The following NFIX variants were observed in gnomAD, a reference collection of about 807,000 sequenced individuals.
NFIX encodes the protein nuclear factor I X, also known as nuclear factor 1 X-type.
NFIX carries 2 observed loss-of-function variants against 53.3 expected under a neutral mutation model. The ratio of observed to expected loss-of-function variants is 0.04; its 90% CI spans 0.02 to 0.12. The LOEUF (loss-of-function observed/expected upper bound fraction) is 0.12. Ranked by LOEUF, NFIX falls within the 10% of genes least tolerant of loss-of-function variation. NFIX has a pLI of 1.00. For synonymous variants in NFIX, 244 were observed against 289.0 expected (o/e 0.84, Z 1.58); for missense variants, 310 against 674.5 (o/e 0.46, Z 5.99).
chr19:13,093,697 CAG>C lies in NFIX; in HGVS notation c.1495-935_1495-934del, dbSNP rs1181226555. ...TTGGCTCCGCCTGGCCCCTGCAGACCAGAGTCTGTGACAGCCTGGGAGAGGTC... is the reference window on the plus strand; with the variant it reads ...TTGGCTCCGCCTGGCCCCTGCAGACCAGTCTGTGACAGCCTGGGAGAGGTC... On this transcript the variant is annotated intron_variant, in intron 10 of 10. Transcript: ENST00000592199. This position sits in a 1 kb window ranked among gnomAD's most constrained non-coding sequence, Gnocchi z 4.7. 3.3e-5 allele frequency among the ~76,000 whole-genome samples: 5 copies of C among 152,226 alleles called. No homozygotes were observed. The East Asian group carries it at 5.8e-4, about 18-fold the overall frequency.
chr19:13,077,965 G>C (rs2017209996), intron 6 of NFIX, among the ~76,000 whole-genome samples: 1 of 152,178 alleles, frequency 6.6e-6, no homozygotes, highest in Non-Finnish European at 1.5e-5. Flanking sequence ...TGAGCTTCTG[G>C]GTCCCCTGGC....
chr19:13,025,153 C>T lies in NFIX; in HGVS notation c.160C>T (p.Arg54Trp). 3 of 1,614,198 alleles carry T rather than the reference C, an allele frequency of 1.9e-6. No homozygotes were observed. The highest frequency in any genetic ancestry group is 2.5e-6 in the Non-Finnish European group (3 of 1,180,038). The change falls in exon 2 of 11, where the codon CGG (arginine) becomes TGG (tryptophan). Residue 54 changes from arginine (R) to tryptophan (W), a missense_variant. This residue lies in a region of NFIX where 64 missense variants were observed against 144.5 expected (regional missense o/e 0.44). Coordinates refer to ENST00000592199, the MANE Select transcript of NFIX (RefSeq NM_001365902.3). This position sits in a 1 kb window ranked among gnomAD's most constrained non-coding sequence, Gnocchi z 7.5. ...AAAGCGGATGTCGAAGGACGAGGAG[C>T]GGGCGGTGAAGGACGAGCTGCTGGG... ...HEKRMSKDEE[R>W]AVKDELLGEK...
chr19:13,076,982 C>T (rs556855895), intron 6 of NFIX, among the ~76,000 whole-genome samples: 1 of 152,124 alleles, frequency 6.6e-6, no homozygotes, highest in Non-Finnish European at 1.5e-5. Context: ...TCGTGGCAGG[C>T]AGGGACTTGG....
At position 13,072,489 on chromosome 19, in the gene NFIX, TG is replaced by T. The variant is rs753074037; in HGVS notation, c.560-556del. ...TGGGGGAGGCGCAGGCAGACAGGAA[TG>T]GCTTCAATTAACCAAGTTAGGGAAG... On this transcript the variant is annotated intron_variant, in intron 2 of 10. Transcript: ENST00000592199. This position sits in a 1 kb window ranked among gnomAD's most constrained non-coding sequence, Gnocchi z 4.0. 1.1e-4 allele frequency among the ~76,000 whole-genome samples: 17 copies of T among 152,152 alleles called. No homozygotes were observed. The highest frequency in any genetic ancestry group is 2.5e-4 in the Non-Finnish European group (17 of 68,028).
chr19:13,020,914 C>G (rs1416456947), intron 1 of NFIX, among the ~76,000 whole-genome samples: 1 of 152,106 alleles, frequency 6.6e-6, no homozygotes, highest in African/African-American at 2.4e-5. Flanking sequence ...CCACCAGATT[C>G]AGATTCAACC....
At chr19:13,057,946 G>C (rs576458345) in intron 2 of NFIX, among the ~76,000 whole-genome samples, 44 of 151,972 alleles carry the variant, frequency 2.9e-4, no homozygotes, top group Non-Finnish European at 5.7e-4. Flanking sequence ...CATCTTTTTG[G>C]CTCTGCTCCC....
In NFIX at chr19:13,002,723, G is replaced by A. The variant is rs1300536026; in HGVS notation, c.27+6859G>A. Among the ~76,000 whole-genome samples, 1 of 152,164 alleles carries A rather than the reference G, an allele frequency of 6.6e-6. No homozygotes were observed. The highest frequency in any genetic ancestry group is 1.5e-5 in the Non-Finnish European group (1 of 68,004). Reference sequence around the variant, plus strand: ...CAGCCAGGGAGGGGAGGCGGGTAGCGGGCACTGCGGCGCTCTGCAGCCAAT... The same window carrying A: ...CAGCCAGGGAGGGGAGGCGGGTAGCAGGCACTGCGGCGCTCTGCAGCCAAT... On this transcript the variant is annotated intron_variant, in intron 1 of 10. Coordinates refer to ENST00000592199, the MANE Select transcript of NFIX (RefSeq NM_001365902.3). The surrounding 1 kb of genome is among the most constrained non-coding windows in gnomAD (Gnocchi z 6.1).
chr19:13,026,624 C>T (rs1054570505), intron 2 of NFIX, among the ~76,000 whole-genome samples: 4 of 152,070 alleles, frequency 2.6e-5, no homozygotes, highest in African/African-American at 2.4e-5. Context: ...AATTTACTGC[C>T]GCCTTTGAAA....
At chr19:13,033,166 G>A (rs1038212308) in intron 2 of NFIX, among the ~76,000 whole-genome samples, 1 of 152,148 alleles carries the variant, frequency 6.6e-6, no homozygotes, top group Non-Finnish European at 1.5e-5. Context: ...CACGACAAAC[G>A]CCCGGCCCTG....
rs896717257 is a variant in NFIX, at chr19:13,078,750, G to T, written c.1078+15G>T. The T allele has an allele frequency of 6.3e-7, 1 of 1,594,052 alleles. No individual in the cohort carries two copies. The highest frequency in any genetic ancestry group is 8.5e-7 in the Non-Finnish European group (1 of 1,170,094). On this transcript the variant is annotated intron_variant, in intron 7 of 10. Transcript: ENST00000592199. This position sits in a 1 kb window ranked among gnomAD's most constrained non-coding sequence, Gnocchi z 4.7. ...AGTCAGACCAGGTGAGAAATGGGGG[G>T]CCCCGGAGGGGGGCAGTTGGGGAGG...
At position 13,096,961 on chromosome 19, in the gene NFIX, A is replaced by C. The variant is rs1272296947; in HGVS notation, c.*2312A>C. On this transcript the variant is annotated 3_prime_UTR_variant, in exon 11 of 11. Transcript: ENST00000592199. ...GACGTGTTAGGAGAGAAAAAAAAAA[A>C]AACAAAAATATATATGGGGGAAATT... 2.7e-5 allele frequency: 4 copies of C among 150,888 alleles called. No homozygotes were observed. Among genetic ancestry groups the C allele is most frequent in the Non-Finnish European group, 5.9e-5 (4 of 67,726 alleles). 9.3% of individuals were successfully genotyped at this position (150,888 alleles called of 1,614,324 possible). A position where few individuals can be genotyped will look rare whatever the true frequency, so the allele number is the denominator to read the frequency against.
chr19:13,094,574 G>T lies in NFIX; in HGVS notation c.1495-61G>T. ...AGGGGCCAGGTCACTGGGCCAGGTA[G>T]GAGTGAGATGGGACCTGCCCCAGCT... On this transcript the variant is annotated intron_variant, in intron 10 of 10. Transcript: ENST00000592199. The surrounding 1 kb of genome is among the most constrained non-coding windows in gnomAD (Gnocchi z 4.3). 6.6e-7 allele frequency: 1 copy of T among 1,521,972 alleles called. No individual in the cohort carries two copies. Among genetic ancestry groups the T allele is most frequent in the South Asian group, 1.2e-5 (1 of 83,640 alleles). The allele number at this position is 1,521,972 out of a possible 1,614,324, so 94.3% of individuals were successfully genotyped here.
rs776873535 is a variant in NFIX, at chr19:13,027,298, A to T, written c.559+1746A>T. Among the ~76,000 whole-genome samples, 1 of 151,866 alleles carries T rather than the reference A, an allele frequency of 6.6e-6. No homozygotes were observed. Among genetic ancestry groups the T allele is most frequent in the African/African-American group, 2.4e-5 (1 of 41,310 alleles). On this transcript the variant is annotated intron_variant, in intron 2 of 10. Coordinates refer to ENST00000592199, the MANE Select transcript of NFIX (RefSeq NM_001365902.3). The surrounding 1 kb of genome is among the most constrained non-coding windows in gnomAD (Gnocchi z 4.3). ...GTCATTCCCCCTCCCTTCAGCTTGA[A>T]TTTTTTCTTTTGTCTTTTTTCTTTT... is the stretch of plus-strand genomic sequence containing the variant.
At chr19:13,057,349 A>G (rs533684027) in intron 2 of NFIX, among the ~76,000 whole-genome samples, 2 of 152,276 alleles carry the variant, frequency 1.3e-5, no homozygotes, top group East Asian at 1.9e-4. Context: ...TCATCCCCCA[A>G]ATTACTGGCT....
rs1383089652 is a variant in NFIX at position 13,040,928 on chromosome 19, C to G, written c.559+15376C>G. Among the ~76,000 whole-genome samples the G allele has an allele frequency of 6.6e-6, 1 of 152,166 alleles. No individual in the cohort carries two copies. Among genetic ancestry groups the G allele is most frequent in the East Asian group, 1.9e-4 (1 of 5,200 alleles). ...TTAAGACTCTCTAGATAGCTCCTTC[C>G]TCCTCTCTCACCTGGTCCTAAACCT... On this transcript the variant is annotated intron_variant, in intron 2 of 10. Coordinates refer to ENST00000592199, the MANE Select transcript of NFIX (RefSeq NM_001365902.3). This position sits in a 1 kb window ranked among gnomAD's most constrained non-coding sequence, Gnocchi z 4.2.
chr19:13,023,732 C>T (rs2013100906), intron 1 of NFIX, among the ~76,000 whole-genome samples: 1 of 149,678 alleles, frequency 6.7e-6, no homozygotes, highest in African/African-American at 2.5e-5. Context: ...AGCCGGCTCG[C>T]TCCCTCTCTC....
In NFIX at chr19:12,996,186, G is replaced by C. The variant is rs1445504602; in HGVS notation, c.27+322G>C. The stretch of plus-strand genomic sequence containing the variant: ...GTGTGTGTGTGCGCGCTCGACTGGG[G>C]TGCGATGGGCAGCGGGACTCCGGCT... On this transcript the variant is annotated intron_variant, in intron 1 of 10. Coordinates refer to ENST00000592199, the MANE Select transcript of NFIX (RefSeq NM_001365902.3). The surrounding 1 kb of genome is among the most constrained non-coding windows in gnomAD (Gnocchi z 5.2). Among the ~76,000 whole-genome samples the C allele has an allele frequency of 1.3e-5, 2 of 151,874 alleles. No individual in the cohort carries two copies. Among genetic ancestry groups the C allele is most frequent in the African/African-American group, 4.8e-5 (2 of 41,382 alleles).
At chr19:13,071,600 G>A (rs912424115) in intron 2 of NFIX, among the ~76,000 whole-genome samples, 4 of 152,174 alleles carry the variant, frequency 2.6e-5, no homozygotes, top group African/African-American at 4.8e-5. Context: ...AGCACTTTCC[G>A]TATTAAAAAG....
chr19:13,054,719 G>A (rs1267865265), intron 2 of NFIX, among the ~76,000 whole-genome samples: 1 of 152,156 alleles, frequency 6.6e-6, no homozygotes, highest in African/African-American at 2.4e-5. Flanking sequence ...TCCTCCCTGG[G>A]TTAGGCATAC....
Sources: allele counts gnomAD v4.1 joint callset (sites outside exome capture counted in the v4.1 genomes callset), GRCh38; gene constraint gnomAD v4.1.1; regional missense constraint gnomAD v4.1.1; non-coding constraint Gnocchi (gnomAD v3.1); transcripts MANE v1.5; gene names NCBI Gene and HGNC (gene_info 2026-07-23, HGNC 2026-07-21).